Variants in PDE4D observed in about 807,000 individuals in gnomAD.
PDE4D encodes phosphodiesterase 4D.
In PDE4D, 24 loss-of-function variants were observed where a neutral mutation model predicts 87.4. The observed-to-expected ratio is 0.27, with a 90% CI of 0.20 to 0.39. The LOEUF (loss-of-function observed/expected upper bound fraction) is 0.39. Ranked by LOEUF, PDE4D falls within the 10% of genes least tolerant of loss-of-function variation. PDE4D has a pLI of 1.00. For missense variants in PDE4D, 714 were observed against 1,041.0 expected, an observed-to-expected ratio of 0.69 and a Z score of 4.32; for synonymous variants, 384 against 383.2, an observed-to-expected ratio of 1.00 and a Z score of -0.02.
intron 1 of PDE4D, among the ~76,000 whole-genome samples, chr5:59,253,376 T>C (rs1222149741): frequency 6.6e-6 from 1 of 152,152 alleles, no homozygotes; most frequent in Non-Finnish European, 1.5e-5. Flanking sequence ...ATCATCTTCA[T>C]AAACAAATAC....
chr5:59,035,596 C>T (rs184682094), intron 6 of PDE4D, among the ~76,000 whole-genome samples: 1 of 152,270 alleles, frequency 6.6e-6, no homozygotes, highest in East Asian at 1.9e-4. Flanking sequence ...TTAGCTAGCT[C>T]TTTTGTATAT....
intron 1 of PDE4D, among the ~76,000 whole-genome samples, chr5:59,440,742 C>T (rs1193149799): frequency 1.3e-5 from 2 of 152,102 alleles, no homozygotes; most frequent in African/African-American, 4.8e-5. Context: ...CACCACTGCA[C>T]TCCAGCCTGG....
intron 1 of PDE4D, among the ~76,000 whole-genome samples, chr5:59,505,702 A>C (rs1368369735): frequency 2.0e-5 from 3 of 152,182 alleles, no homozygotes; most frequent in Non-Finnish European, 4.4e-5. Flanking sequence ...ACTCAGACTT[A>C]CCTCATATTC....
intron 1 of PDE4D, among the ~76,000 whole-genome samples, chr5:59,616,124 C>A (rs1385907290): frequency 8.5e-5 from 13 of 152,092 alleles, no homozygotes; most frequent in African/African-American, 2.9e-4. Flanking sequence ...CCCCCCTTCC[C>A]CCACCCCACA....
intron 2 of PDE4D, among the ~76,000 whole-genome samples, chr5:60,107,886 A>G (rs1204101092): frequency 6.6e-6 from 1 of 152,162 alleles, no homozygotes; most frequent in Non-Finnish European, 1.5e-5. Context: ...TGTATGACAA[A>G]CCCACAGCCA....
At chr5:60,287,163 G>A (rs1028235029) in intron 1 of PDE4D, among the ~76,000 whole-genome samples, 1 of 152,136 alleles carries the variant, frequency 6.6e-6, no homozygotes, top group African/African-American at 2.4e-5. Flanking sequence ...CAGCACAGAC[G>A]GATACAAAAA....
intron 1 of PDE4D, chr5:59,592,021 T>C (rs1825988383): frequency 3.1e-6 from 1 of 327,484 alleles, no homozygotes; most frequent in Non-Finnish European, 4.4e-6. Context: ...GCATATATCA[T>C]CAACTAATAA....
intron 1 of PDE4D, among the ~76,000 whole-genome samples, chr5:59,850,631 G>A (rs1027677543): frequency 2.0e-5 from 3 of 152,028 alleles, no homozygotes; most frequent in Non-Finnish European, 4.4e-5. Flanking sequence ...TGGGGGAGGT[G>A]AAGGGGAATG....
At chr5:60,086,228 C>G (rs1373748251) in intron 2 of PDE4D, among the ~76,000 whole-genome samples, 1 of 152,036 alleles carries the variant, frequency 6.6e-6, no homozygotes, top group Admixed American at 6.6e-5. Context: ...TTTTCAAATA[C>G]TTTTTCCAAT....
At chr5:60,405,834 T>C (rs183985743) in intron 1 of PDE4D, among the ~76,000 whole-genome samples, 1 of 152,334 alleles carries the variant, frequency 6.6e-6, no homozygotes, top group Admixed American at 6.5e-5. Flanking sequence ...AAGTTAAGTA[T>C]CTTGCTCAAG....
intron 1 of PDE4D, among the ~76,000 whole-genome samples, chr5:59,545,718 C>T (rs1047822500): frequency 1.3e-5 from 2 of 151,954 alleles, no homozygotes; most frequent in African/African-American, 2.4e-5. Flanking sequence ...AAGTGCTCTC[C>T]GCATGAAAAA....
At chr5:60,392,077 G>A (rs1322268165) in intron 1 of PDE4D, among the ~76,000 whole-genome samples, 2 of 152,230 alleles carry the variant, frequency 1.3e-5, no homozygotes, top group East Asian at 1.9e-4. Context: ...CCTACTGACA[G>A]GACTATTATA....
rs1439534867 is a variant in PDE4D, at chr5:60,473,182, AAAAG to A, written c.-90+14756_-90+14759del. Among the ~76,000 whole-genome samples, 420 of 144,794 alleles carry A rather than the reference AAAAG, an allele frequency of 2.9e-3. 1 individual carries two copies. Among genetic ancestry groups the A allele is most frequent in the Non-Finnish European group, 5.3e-3 (344 of 64,856 alleles). 95.0% of individuals were successfully genotyped at this position (144,794 alleles called of 152,430 possible). A position where few individuals can be genotyped will look rare whatever the true frequency, so the allele number is the denominator to read the frequency against. ...AAGGAAGGAAGGAAGGAAGGAAGGAAAAAGAAAGAAAAAAGAAAGAAAGAAAAGA... is the reference window on the plus strand; with the variant it reads ...AAGGAAGGAAGGAAGGAAGGAAGGAAAAAGAAAAAAGAAAGAAAGAAAAGA... On this transcript the variant is annotated intron_variant, in intron 1 of 16. Coordinates refer to the PDE4D transcript ENST00000502484.
At chr5:59,307,398 G>A (rs1201371069) in intron 1 of PDE4D, among the ~76,000 whole-genome samples, 7 of 151,234 alleles carry the variant, frequency 4.6e-5, no homozygotes, top group African/African-American at 1.2e-4. Context: ...CACAGCAAAA[G>A]AAACTACCAT....
At chr5:59,773,443 A>AAC (rs1485999134) in intron 1 of PDE4D, among the ~76,000 whole-genome samples, 1 of 152,182 alleles carries the variant, frequency 6.6e-6, no homozygotes, top group Non-Finnish European at 1.5e-5. Context: ...TGATCTAGTT[A>AAC]ACACTAAATT....
At position 59,156,309 on chromosome 5, in the gene PDE4D, GAAA is replaced by G. The variant is rs138297866; in HGVS notation, c.808+24283_808+24285del. ...AAATCCCTGAACTAGAGACTTGCCA[GAAA>G]AAAAAAAAATATATATATATGTGTG... On this transcript the variant is annotated intron_variant, in intron 5 of 14. Coordinates refer to ENST00000340635, the MANE Select transcript of PDE4D (RefSeq NM_001104631.2). Among the ~76,000 whole-genome samples the G allele has an allele frequency of 4.5e-4, 24 of 52,872 alleles. 2 individuals carry two copies. The highest frequency in any genetic ancestry group is 2.1e-3 in the African/African-American group (24 of 11,442). 34.7% of individuals were successfully genotyped at this position (52,872 alleles called of 152,430 possible). A position where few individuals can be genotyped will look rare whatever the true frequency, so the allele number is the denominator to read the frequency against.
intron 1 of PDE4D, among the ~76,000 whole-genome samples, chr5:59,646,221 G>A (rs1458706326): frequency 6.6e-6 from 1 of 151,978 alleles, no homozygotes; most frequent in Non-Finnish European, 1.5e-5. Flanking sequence ...CTCTTAAAAG[G>A]GACTCCTCGA....
chr5:60,428,761 T>C (rs1304010374), intron 1 of PDE4D, among the ~76,000 whole-genome samples: 1 of 152,208 alleles, frequency 6.6e-6, no homozygotes, highest in Non-Finnish European at 1.5e-5. Flanking sequence ...AAACCATAAA[T>C]ATTATTTACC....
At chr5:59,627,844 A>G (rs1831076972) in intron 1 of PDE4D, among the ~76,000 whole-genome samples, 1 of 152,170 alleles carries the variant, frequency 6.6e-6, no homozygotes, top group Non-Finnish European at 1.5e-5. Context: ...GTGAGAATCT[A>G]TATACTTTCC....
Sources: allele counts gnomAD v4.1 joint callset (sites outside exome capture counted in the v4.1 genomes callset), GRCh38; gene constraint gnomAD v4.1.1; transcripts MANE v1.5; gene names NCBI Gene and HGNC (gene_info 2026-07-23, HGNC 2026-07-21).